Variants in DNAJC17 observed in about 807,000 individuals in gnomAD.
DNAJC17 encodes the protein dnaJ homolog subfamily C member 17.
Under a neutral mutation model 48.1 loss-of-function variants are expected in DNAJC17, and 35 were observed. The observed-to-expected ratio is 0.73, with a 90% CI of 0.56 to 0.96. DNAJC17 has a LOEUF of 0.96. Ranked by LOEUF, DNAJC17 falls within the 50% of genes least tolerant of loss-of-function variation. DNAJC17 has a pLI of 0.00. For synonymous variants in DNAJC17, 117 were observed against 142.7 expected (o/e 0.82, Z 1.28); for missense variants, 355 against 377.1 (o/e 0.94, Z 0.48).
At chr15:40,779,510 T>TG (rs1263302668) in intron 3 of DNAJC17, 35 bp downstream of exon 3, 15 of 1,613,392 alleles carry the variant, frequency 9.3e-6, no homozygotes, top group Admixed American at 1.7e-5. Flanking sequence ...TCTCTAACCA[T>TG]GGGGGACGAT....
At chr15:40,792,538 G>A in intron 1 of DNAJC17, 1 of 985,384 alleles carries the variant, frequency 1.0e-6, no homozygotes, top group Non-Finnish European at 1.2e-6. Flanking sequence ...AGACAGGCTG[G>A]ACATGCTGAC....
chr15:40,774,911 C>CGG (rs1889274584), intron 8 of DNAJC17, 120 bp downstream of exon 8: 52 of 1,044,504 alleles, frequency 5.0e-5, no homozygotes, highest in African/African-American at 2.1e-4. Context: ...GTCTATGAGA[C>CGG]AGAAAAAAAA....
intron 1 of DNAJC17, among the ~76,000 whole-genome samples, chr15:40,801,614 G>A (rs1009414238): frequency 2.6e-5 from 4 of 151,940 alleles, no homozygotes; most frequent in Non-Finnish European, 2.9e-5. Context: ...TTAGCCGGGC[G>A]TGGTGGCGGG....
intron 10 of DNAJC17, chr15:40,771,124 C>A: frequency 9.1e-7 from 1 of 1,100,874 alleles, no homozygotes; most frequent in Non-Finnish European, 1.3e-6. Flanking sequence ...CTGGAGGGTT[C>A]AGGCAGGCAG....
At chr15:40,779,460 T>A in intron 3 of DNAJC17, 85 bp downstream of exon 3, 1 of 1,588,090 alleles carries the variant, frequency 6.3e-7, no homozygotes, top group South Asian at 1.1e-5. Flanking sequence ...CTGTGCCACA[T>A]GGCAAAGGGC....
chr15:40,768,193 A>C, intron 10 of DNAJC17, 131 bp from the exon 11 acceptor site: 2 of 1,231,954 alleles, frequency 1.6e-6, no homozygotes, highest in Non-Finnish European at 1.1e-6. Context: ...AAGGGAAGGA[A>C]CCCGGAGCAT....
chr15:40,775,128 A>G lies in DNAJC17; in HGVS notation c.523-20T>C. 1 of 1,613,770 alleles carries G rather than the reference A, an allele frequency of 6.2e-7. No homozygotes were observed. The highest frequency in any genetic ancestry group is 8.5e-7 in the Non-Finnish European group (1 of 1,179,718). Reference sequence around the variant, plus strand: ...TTTTAGCTGAAAAGAGAGCCTCATGAAACACTGATTCTTGGCTGAACAGTA... The same window carrying G: ...TTTTAGCTGAAAAGAGAGCCTCATGGAACACTGATTCTTGGCTGAACAGTA... On this transcript the variant is annotated intron_variant, in intron 7 of 10. Transcript: ENST00000220496.
In DNAJC17 at chr15:40,767,659, G is replaced by T. The variant is rs943638038; in HGVS notation, c.*281C>A. 2.1e-5 allele frequency: 12 copies of T among 585,108 alleles called. No individual in the cohort carries two copies. Among genetic ancestry groups the T allele is most frequent in the East Asian group, 1.3e-4 (4 of 31,414 alleles). 36.2% of individuals were successfully genotyped at this position (585,108 alleles called of 1,614,324 possible). ...AGCTGGGCACTCCAGCGGCCCTGGC[G>T]CGTGGCTCCTGCATAGCTAGCCCAA... On this transcript the variant is annotated 3_prime_UTR_variant, in exon 11 of 11. Transcript: ENST00000220496.
intron 1 of DNAJC17, among the ~76,000 whole-genome samples, chr15:40,798,085 C>G (rs1020998154): frequency 2.0e-5 from 3 of 152,114 alleles, no homozygotes; most frequent in African/African-American, 7.2e-5. Context: ...CTGGAAACAA[C>G]CAAAATATTC....
At chr15:40,806,156 C>T (rs11070296) in intron 1 of DNAJC17, among the ~76,000 whole-genome samples, 43,821 of 151,252 alleles carry the variant, frequency 0.29, 7,185 homozygotes, top group South Asian at 0.45. Flanking sequence ...CTCAAAAGCT[C>T]ACTCACCCCA....
At chr15:40,773,117 T>G (rs953827587) in intron 10 of DNAJC17, among the ~76,000 whole-genome samples, 1 of 152,118 alleles carries the variant, frequency 6.6e-6, no homozygotes, top group Non-Finnish European at 1.5e-5. Context: ...CGCACCATCA[T>G]GCCCAGCTGA....
chr15:40,799,036 G>T (rs1022451571), intron 1 of DNAJC17, among the ~76,000 whole-genome samples: 1 of 151,838 alleles, frequency 6.6e-6, no homozygotes. Context: ...TGGCTAACAC[G>T]GTGAAACCCC....
chr15:40,779,734 G>T, intron 2 of DNAJC17, 131 bp from the exon 3 acceptor site: 1 of 1,155,358 alleles, frequency 8.7e-7, no homozygotes, highest in East Asian at 2.5e-5. Context: ...GCAGATGACA[G>T]ACCAACAAGG....
At position 40,794,073 on chromosome 15, in the gene DNAJC17, T is replaced by C. The variant is rs546396813; in HGVS notation, c.78+13296A>G. 2.6e-5 allele frequency among the ~76,000 whole-genome samples: 4 copies of C among 152,308 alleles called. No individual in the cohort carries two copies. In the East Asian group the frequency reaches 5.8e-4, roughly 22 times the overall value. On this transcript the variant is annotated intron_variant, in intron 1 of 10. Coordinates refer to ENST00000220496, the MANE Select transcript of DNAJC17 (RefSeq NM_018163.3). ...AATTCTTAGCCTTACACATTAAAGA[T>C]AGTTATAAAAACTGTTACTTTCAAT... is the stretch of plus-strand genomic sequence containing the variant.
At chr15:40,793,857 C>G (rs1056292916) in intron 1 of DNAJC17, among the ~76,000 whole-genome samples, 1 of 151,954 alleles carries the variant, frequency 6.6e-6, no homozygotes, top group Non-Finnish European at 1.5e-5. Flanking sequence ...AGGTACAGAG[C>G]GGTTAAATAT....
intron 1 of DNAJC17, among the ~76,000 whole-genome samples, chr15:40,804,104 C>A (rs1343011447): frequency 2.0e-5 from 3 of 151,692 alleles, no homozygotes. Flanking sequence ...GTAGCGGGGA[C>A]TACAGGTGCG....
At chr15:40,801,474 T>G (rs1002770565) in intron 1 of DNAJC17, among the ~76,000 whole-genome samples, 5 of 152,022 alleles carry the variant, frequency 3.3e-5, no homozygotes, top group Non-Finnish European at 7.4e-5. Context: ...TGTTGAGTAT[T>G]GGCTGGGTGC....
chr15:40,803,240 G>C (rs918496177), intron 1 of DNAJC17, among the ~76,000 whole-genome samples: 5 of 151,462 alleles, frequency 3.3e-5, no homozygotes, highest in Admixed American at 3.3e-4. Flanking sequence ...AGAACTCCTA[G>C]GCTATTTGGA....
chr15:40,773,847 A>C lies in DNAJC17; in HGVS notation c.682-10T>G, dbSNP rs1889233763. The C allele has an allele frequency of 1.2e-6, 2 of 1,611,494 alleles. No homozygotes were observed. The highest frequency in any genetic ancestry group is 8.5e-7 in the Non-Finnish European group (1 of 1,178,408). Reference sequence around the variant, plus strand: ...TCTGGACAGCCAGCTCCTGCCAAACACAGCATCTAGTCCTGTCCCATCCGT... The same window carrying C: ...TCTGGACAGCCAGCTCCTGCCAAACCCAGCATCTAGTCCTGTCCCATCCGT... On this transcript the variant is annotated splice_polypyrimidine_tract_variant and intron_variant, in intron 9 of 10. Transcript: ENST00000220496.
Sources: gnomAD v4.1 joint callset for allele counts (sites outside exome capture counted in the v4.1 genomes callset) on GRCh38, gnomAD v4.1.1 for gene constraint, MANE v1.5 for transcripts, NCBI Gene and HGNC (gene_info 2026-07-23, HGNC 2026-07-21) for gene names.